Variants in B4GALT1 observed in about 807,000 individuals in gnomAD.
B4GALT1 encodes the protein N-acetyllactosamine synthase.
In B4GALT1, 16 loss-of-function variants were observed where a neutral mutation model predicts 34.9. That is an observed-to-expected ratio of 0.46 (90% CI 0.31 to 0.70). The LOEUF (loss-of-function observed/expected upper bound fraction) is 0.70. Ranked by LOEUF, B4GALT1 falls within the 30% of genes least tolerant of loss-of-function variation. The probability of loss-of-function intolerance (pLI) is 0.05; values close to 1 mark genes in which losing one functional copy is unlikely to be tolerated. For synonymous variants in B4GALT1, 221 were observed against 218.1 expected (o/e 1.01, Z -0.12); for missense variants, 445 against 530.5 (o/e 0.84, Z 1.58).
intron 5 of B4GALT1, 50 bp downstream of exon 5, chr9:33,113,724 G>GC: frequency 1.9e-6 from 3 of 1,610,756 alleles, no homozygotes; most frequent in Non-Finnish European, 2.5e-6. Flanking sequence ...CGGACCTGCA[G>GC]CCTACCTCAT....
At chr9:33,150,144 G>GATATATACACACATACACACACACAT (rs6150980) in intron 1 of B4GALT1, among the ~76,000 whole-genome samples, 2 of 148,814 alleles carry the variant, frequency 1.3e-5, no homozygotes, top group Admixed American at 6.7e-5. Flanking sequence ...TATAGATATA[G>GATATATACACACATACACACACACAT]ATATATACAC....
chr9:33,122,075 T>C (rs761248506), intron 2 of B4GALT1, among the ~76,000 whole-genome samples: 1 of 152,122 alleles, frequency 6.6e-6, no homozygotes, highest in African/African-American at 2.4e-5. Context: ...GCCCAATACT[T>C]TGGAATCCTC....
chr9:33,135,511 G>T, intron 1 of B4GALT1, 87 bp from the exon 2 acceptor site: 1 of 1,334,588 alleles, frequency 7.5e-7, no homozygotes, highest in Non-Finnish European at 1.1e-6. Flanking sequence ...GGCTGCAGCT[G>T]CAGCTGCAGA....
intron 2 of B4GALT1, among the ~76,000 whole-genome samples, chr9:33,125,484 A>C (rs1276022877): frequency 6.6e-6 from 1 of 152,146 alleles, no homozygotes; most frequent in Non-Finnish European, 1.5e-5. Context: ...ATCCAACTGA[A>C]GGCAAGGAGA....
At chr9:33,147,255 T>C (rs909462051) in intron 1 of B4GALT1, among the ~76,000 whole-genome samples, 1 of 151,556 alleles carries the variant, frequency 6.6e-6, no homozygotes, top group Non-Finnish European at 1.5e-5. Flanking sequence ...CTTTTTTTTT[T>C]TTTTTTTTTC....
At chr9:33,114,407 G>A (rs530058870) in intron 4 of B4GALT1, among the ~76,000 whole-genome samples, 1 of 152,318 alleles carries the variant, frequency 6.6e-6, no homozygotes, top group African/African-American at 2.4e-5. Flanking sequence ...CAAGGGTCTG[G>A]GGTAGGACGT....
At chr9:33,147,049 G>A (rs1021980318) in intron 1 of B4GALT1, among the ~76,000 whole-genome samples, 1 of 152,086 alleles carries the variant, frequency 6.6e-6, no homozygotes, top group Admixed American at 6.6e-5. Context: ...AGGAATCACA[G>A]GAGGAAGGAA....
At chr9:33,178,969 G>A in the B4GALT1 span, 1 of 152,214 alleles carries the variant, frequency 6.6e-6, no homozygotes, top group Non-Finnish European at 1.5e-5. Context: ...TTAGTCTATG[G>A]CATGTGTCTC....
At chr9:33,127,657 G>A (rs1932981319) in intron 2 of B4GALT1, among the ~76,000 whole-genome samples, 1 of 152,188 alleles carries the variant, frequency 6.6e-6, no homozygotes, top group Admixed American at 6.5e-5. Flanking sequence ...TTCTAAGAGA[G>A]AAAAGACAAG....
chr9:33,105,927 G>C (rs987944740), downstream of B4GALT1, among the ~76,000 whole-genome samples: 35 of 127,644 alleles, frequency 2.7e-4, 1 homozygote, highest in Non-Finnish European at 1.6e-5. Context: ...ATAGTGCTAG[G>C]AACTAGTATC....
the B4GALT1 span, among the ~76,000 whole-genome samples, chr9:33,175,009 AT>A: frequency 3.7e-4 from 27 of 72,950 alleles, 7 homozygotes; most frequent in South Asian, 5.3e-4. Flanking sequence ...ATATATATAT[AT>A]ATATATATAT....
At chr9:33,144,664 TC>T (rs1178167175) in intron 1 of B4GALT1, among the ~76,000 whole-genome samples, 1 of 152,216 alleles carries the variant, frequency 6.6e-6, no homozygotes, top group African/African-American at 2.4e-5. Context: ...CCAAATGTCA[TC>T]CCCTCTTCAG....
At chr9:33,182,759 A>G in the B4GALT1 span, among the ~76,000 whole-genome samples, 9 of 152,222 alleles carry the variant, frequency 5.9e-5, no homozygotes, top group African/African-American at 1.9e-4. Flanking sequence ...GATTTACTTC[A>G]TTTGGCTAGG....
At chr9:33,109,843 T>C (rs1020769336), downstream of B4GALT1, among the ~76,000 whole-genome samples, 2 of 152,218 alleles carry the variant, frequency 1.3e-5, no homozygotes, top group Admixed American at 6.5e-5. Context: ...TCCCTACATA[T>C]CTAGGGGCAG....
At chr9:33,124,476 T>G (rs562767361) in intron 2 of B4GALT1, among the ~76,000 whole-genome samples, 1 of 152,296 alleles carries the variant, frequency 6.6e-6, no homozygotes, top group South Asian at 2.1e-4. Context: ...TGCATTGTAT[T>G]AAATGAGACA....
chr9:33,154,610 G>A (rs746459232), intron 1 of B4GALT1, among the ~76,000 whole-genome samples: 8 of 152,220 alleles, frequency 5.3e-5, no homozygotes, highest in Non-Finnish European at 1.0e-4. Flanking sequence ...GATGTAGGTG[G>A]TTGTTGATGG....
intron 2 of B4GALT1, among the ~76,000 whole-genome samples, chr9:33,134,519 CTT>C (rs1322864954): frequency 6.6e-6 from 1 of 152,224 alleles, no homozygotes; most frequent in Non-Finnish European, 1.5e-5. Flanking sequence ...AAAGATGCCT[CTT>C]AGATCAATCT....
intron 2 of B4GALT1, among the ~76,000 whole-genome samples, chr9:33,125,547 A>G (rs114869593): frequency 2.8e-4 from 42 of 152,324 alleles, no homozygotes; most frequent in African/African-American, 1.0e-3. Context: ...GTGGGTAAGC[A>G]GACAGTGCCT....
At chr9:33,168,145 C>T (rs1405072255), upstream of B4GALT1, among the ~76,000 whole-genome samples, 3 of 152,190 alleles carry the variant, frequency 2.0e-5, no homozygotes, top group Non-Finnish European at 4.4e-5. Context: ...AGTAGCAGTT[C>T]TCCCCATGTC....
Sources: gnomAD v4.1 joint callset for allele counts (sites outside exome capture counted in the v4.1 genomes callset) on GRCh38, gnomAD v4.1.1 for gene constraint, MANE v1.5 for transcripts, NCBI Gene and HGNC (gene_info 2026-07-23, HGNC 2026-07-21) for gene names.